ABCB4: variants seen among roughly 807,000 people sequenced by gnomAD.
ABCB4 encodes phosphatidylcholine translocator ABCB4.
Under a neutral mutation model 145.7 loss-of-function variants are expected in ABCB4, and 76 were observed. The observed-to-expected ratio is 0.52, with a 90% CI of 0.43 to 0.63. ABCB4 has a LOEUF of 0.63. ABCB4 is among the 30% of genes least tolerant of loss of function. The probability of loss-of-function intolerance (pLI) is 0.00; values close to 1 mark genes in which losing one functional copy is unlikely to be tolerated. For missense variants in ABCB4, 1,234 were observed against 1,553.1 expected, an observed-to-expected ratio of 0.79 and a Z score of 3.45; for synonymous variants, 517 against 566.8, an observed-to-expected ratio of 0.91 and a Z score of 1.25.
intron 23 of ABCB4, among the ~76,000 whole-genome samples, chr7:87,410,923 C>G (rs1808573618): frequency 6.6e-6 from 1 of 152,182 alleles, no homozygotes; most frequent in Non-Finnish European, 1.5e-5. Flanking sequence ...ATGCTGAGTT[C>G]TGGCTATCTT....
chr7:87,396,687 T>C, the ABCB4 span, among the ~76,000 whole-genome samples: 1 of 42,540 alleles, frequency 2.4e-5, no homozygotes, highest in Non-Finnish European at 6.1e-5. Flanking sequence ...TACATGCTGA[T>C]TGTAAAAAAA....
chr7:87,404,937 G>A (rs1808070016), intron 26 of ABCB4, among the ~76,000 whole-genome samples: 1 of 152,164 alleles, frequency 6.6e-6, no homozygotes, highest in Non-Finnish European at 1.5e-5. Context: ...AAATGGGATG[G>A]CCACTCTGGA....
the ABCB4 span, among the ~76,000 whole-genome samples, chr7:87,384,470 T>G: frequency 6.6e-6 from 1 of 152,206 alleles, no homozygotes; most frequent in Non-Finnish European, 1.5e-5. Context: ...AGGCAGAGGT[T>G]GCAGTGAGCT....
At chr7:87,383,826 A>G in the ABCB4 span, among the ~76,000 whole-genome samples, 1 of 152,120 alleles carries the variant, frequency 6.6e-6, no homozygotes, top group Non-Finnish European at 1.5e-5. Flanking sequence ...CATCTGCTGG[A>G]CACTTAGGTT....
At chr7:87,455,023 T>C (rs1466877327) in intron 4 of ABCB4, among the ~76,000 whole-genome samples, 4 of 152,052 alleles carry the variant, frequency 2.6e-5, no homozygotes, top group African/African-American at 9.7e-5. Context: ...CTCAAAGCAC[T>C]TTATAGAACT....
chr7:87,440,816 CT>C (rs1810931394), intron 12 of ABCB4, among the ~76,000 whole-genome samples: 1 of 152,140 alleles, frequency 6.6e-6, no homozygotes, highest in Non-Finnish European at 1.5e-5. Flanking sequence ...TCTCCACTCA[CT>C]GCAAGCTCCA....
chr7:87,375,681 G>A, the ABCB4 span: 1 of 1,613,576 alleles, frequency 6.2e-7, no homozygotes, highest in South Asian at 1.1e-5. Flanking sequence ...TGATGGACCT[G>A]GGATTGCAGC....
At chr7:87,379,229 G>GT in the ABCB4 span, among the ~76,000 whole-genome samples, 1 of 152,062 alleles carries the variant, frequency 6.6e-6, no homozygotes, top group Non-Finnish European at 1.5e-5. Flanking sequence ...CCTCTTAACA[G>GT]TATTTTCCTC....
rs189957333 is a variant in ABCB4, at chr7:87,456,045, T to G, written c.287-1453A>C. Reference sequence around the variant, plus strand: ...CTTGAAGATTCATACCCTATTTTACTTTTCATCTTATCAGTTCCTTTCTGT... The same window carrying G: ...CTTGAAGATTCATACCCTATTTTACGTTTCATCTTATCAGTTCCTTTCTGT... On this transcript the variant is annotated intron_variant, in intron 4 of 27. Transcript: ENST00000649586. Among the ~76,000 whole-genome samples, 111 of 152,316 alleles carry G rather than the reference T, an allele frequency of 7.3e-4. 1 individual carries two copies. Among genetic ancestry groups the G allele is most frequent in the Non-Finnish European group, 1.2e-4 (8 of 68,036 alleles).
intron 14 of ABCB4, among the ~76,000 whole-genome samples, chr7:87,438,880 C>T (rs1317914665): frequency 6.6e-6 from 1 of 152,148 alleles, no homozygotes; most frequent in Non-Finnish European, 1.5e-5. Context: ...AAATAAGGTT[C>T]GTGCAGCTTG....
chr7:87,401,193 A>G (rs1807764472), downstream of ABCB4, among the ~76,000 whole-genome samples: 1 of 152,226 alleles, frequency 6.6e-6, no homozygotes, highest in South Asian at 2.1e-4. Context: ...AATATGGCTT[A>G]TTACAGTTAG....
In ABCB4 at chr7:87,401,913, G is replaced by T. The variant is rs1338313108; in HGVS notation, c.*183C>A. ...TTGTTTCAATACTTCATCAAGACAG[G>T]TGTCACTTCTAACTCTCAAATTTCA... On this transcript the variant is annotated 3_prime_UTR_variant, in exon 28 of 28. Coordinates refer to ENST00000649586, the MANE Select transcript of ABCB4 (RefSeq NM_000443.4). 3.8e-6 allele frequency: 3 copies of T among 783,564 alleles called. No individual in the cohort carries two copies. The highest frequency in any genetic ancestry group is 6.5e-6 in the Non-Finnish European group (3 of 461,010). The allele number at this position is 783,564 out of a possible 1,614,324, so 48.5% of individuals were successfully genotyped here.
the ABCB4 span, among the ~76,000 whole-genome samples, chr7:87,369,982 T>C: frequency 2.0e-5 from 3 of 151,862 alleles, no homozygotes; most frequent in Admixed American, 2.0e-4. Context: ...AGTTACCAAC[T>C]CCTAGCATCA....
intron 21 of ABCB4, among the ~76,000 whole-genome samples, chr7:87,414,339 C>T (rs1808825241): frequency 6.6e-6 from 1 of 152,286 alleles, no homozygotes; most frequent in Non-Finnish European, 1.5e-5. Flanking sequence ...GCTGATGTCA[C>T]ATTGGGTATG....
chr7:87,418,612 G>A lies in ABCB4; in HGVS notation c.2403C>T (p.Ser801=), dbSNP rs1346337278. The A allele has an allele frequency of 8.7e-6, 14 of 1,613,986 alleles. No individual in the cohort carries two copies. The highest frequency in any genetic ancestry group is 1.2e-5 in the Non-Finnish European group (14 of 1,179,976). Residue 801 remains serine (S), a synonymous_variant, in exon 20 of 28, where the codon AGC becomes AGT. Transcript: ENST00000649586. ...AFKAMLRQDM[S]WFDDHKNSTG... ...TACTGTTTTTATGGTCATCAAACCA[G>A]CTCATGTCCTATGGCATAAAATACA...
At chr7:87,440,109 A>C in intron 13 of ABCB4, 90 bp downstream of exon 13, 1 of 1,433,824 alleles carries the variant, frequency 7.0e-7, no homozygotes, top group Non-Finnish European at 9.7e-7. Context: ...TTGCATCTCA[A>C]ACATTATTAG....
chr7:87,375,441 GC>G, the ABCB4 span: 1 of 511,032 alleles, frequency 2.0e-6, no homozygotes, highest in Non-Finnish European at 3.4e-6. Flanking sequence ...TGTCAAATAT[GC>G]TTTTGGTGTT....
chr7:87,410,524 T>C (rs1808544648), intron 23 of ABCB4, among the ~76,000 whole-genome samples: 1 of 152,190 alleles, frequency 6.6e-6, no homozygotes, highest in African/African-American at 2.4e-5. Flanking sequence ...TTTCAATGAT[T>C]TTAAAAAAGA....
chr7:87,405,921 G>A (rs189377828), intron 26 of ABCB4: 306 of 331,222 alleles, frequency 9.2e-4, no homozygotes, highest in Non-Finnish European at 1.4e-3. Context: ...TAGGTAAAGG[G>A]TACATAAGAT....
Sources: gnomAD v4.1 joint callset for allele counts (sites outside exome capture counted in the v4.1 genomes callset) on GRCh38, gnomAD v4.1.1 for gene constraint, MANE v1.5 for transcripts, NCBI Gene and HGNC (gene_info 2026-07-23, HGNC 2026-07-21) for gene names.